Variants in INPP5A observed in about 807,000 individuals in gnomAD.
INPP5A encodes the protein 43 kDa inositol polyphosphate 5-phophatase.
In INPP5A, 14 loss-of-function variants were observed where a neutral mutation model predicts 65.2. The observed-to-expected ratio is 0.21, with a 90% CI of 0.14 to 0.34. The LOEUF is 0.34. INPP5A is among the 10% of genes least tolerant of loss of function. The pLI, the probability that INPP5A is intolerant of heterozygous loss-of-function variation, is 1.00. For synonymous variants in INPP5A, 207 were observed against 208.3 expected (o/e 0.99, Z 0.05); for missense variants, 431 against 545.6 (o/e 0.79, Z 2.09).
At chr10:132,742,741 C>T (rs968420474) in intron 9 of INPP5A, among the ~76,000 whole-genome samples, 3 of 152,220 alleles carry the variant, frequency 2.0e-5, no homozygotes, top group Non-Finnish European at 4.4e-5. Context: ...TCTGGAATCC[C>T]TGGTGAACCG....
At chr10:132,779,841 C>T (rs1055054500) in intron 13 of INPP5A, among the ~76,000 whole-genome samples, 16 of 152,324 alleles carry the variant, frequency 1.1e-4, no homozygotes, top group African/African-American at 3.4e-4. Context: ...GGGCTCGGGA[C>T]GCGGGCGGTG....
intron 2 of INPP5A, among the ~76,000 whole-genome samples, chr10:132,610,054 T>C (rs536388219): frequency 1.3e-5 from 2 of 152,368 alleles, no homozygotes; most frequent in Admixed American, 6.5e-5. Flanking sequence ...TTACAGTGGC[T>C]GGGCCTGACC....
intron 1 of INPP5A, among the ~76,000 whole-genome samples, chr10:132,569,819 TA>T (rs1203334088): frequency 8.1e-6 from 1 of 123,958 alleles, no homozygotes; most frequent in Non-Finnish European, 1.7e-5. Flanking sequence ...TGTTTTTTTT[TA>T]ATTGAATTTT....
chr10:132,552,555 A>G (rs1484298946), intron 1 of INPP5A, among the ~76,000 whole-genome samples: 88 of 104,934 alleles, frequency 8.4e-4, no homozygotes, highest in East Asian at 1.9e-3. Flanking sequence ...TGGAATATTG[A>G]GTAGGATAGG....
chr10:132,726,140 T>C (rs937402480), intron 8 of INPP5A, among the ~76,000 whole-genome samples: 2 of 152,176 alleles, frequency 1.3e-5, no homozygotes, highest in African/African-American at 4.8e-5. Flanking sequence ...AAACTGATTG[T>C]GATTGATTGA....
intron 1 of INPP5A, among the ~76,000 whole-genome samples, chr10:132,605,149 C>T (rs1455591086): frequency 2.1e-5 from 3 of 141,696 alleles, no homozygotes; most frequent in Non-Finnish European, 4.7e-5. Context: ...GAAGTGGATC[C>T]CCCAGGAGGG....
At position 132,663,232 on chromosome 10, in the gene INPP5A, T is replaced by C. The variant is rs1235231744; in HGVS notation, c.306+12727T>C. 1.3e-5 allele frequency among the ~76,000 whole-genome samples: 2 copies of C among 152,208 alleles called. No individual in the cohort carries two copies. Among genetic ancestry groups the C allele is most frequent in the Non-Finnish European group, 2.9e-5 (2 of 68,034 alleles). Reference sequence around the variant, plus strand: ...AGACTTTCTTCTCGTTAAATCTTATTTTATTTTGACACAGGATGTCACTCT... The same window carrying C: ...AGACTTTCTTCTCGTTAAATCTTATCTTATTTTGACACAGGATGTCACTCT... On this transcript the variant is annotated intron_variant, in intron 4 of 15. Coordinates refer to ENST00000368594, the MANE Select transcript of INPP5A (RefSeq NM_005539.5). This position sits in a 1 kb window ranked among gnomAD's most constrained non-coding sequence, Gnocchi z 4.5.
intron 4 of INPP5A, among the ~76,000 whole-genome samples, chr10:132,657,554 T>C (rs1301993811): frequency 1.3e-5 from 2 of 152,170 alleles, no homozygotes; most frequent in Non-Finnish European, 2.9e-5. Flanking sequence ...CCTGGTGCTC[T>C]TGGGGTGGGG....
rs1845556914 is a variant in INPP5A, at chr10:132,707,603, G to A, written c.475-710G>A. Among the ~76,000 whole-genome samples the A allele has an allele frequency of 1.3e-5, 2 of 152,250 alleles. No homozygotes were observed. Among genetic ancestry groups the A allele is most frequent in the Admixed American group, 1.3e-4 (2 of 15,290 alleles). ...CCAGCAGAGGAACCTACCATGGTGGGAGGTGGGAGGGCAGGAGGGCCTCCA... is the reference window on the plus strand; with the variant it reads ...CCAGCAGAGGAACCTACCATGGTGGAAGGTGGGAGGGCAGGAGGGCCTCCA... On this transcript the variant is annotated intron_variant, in intron 6 of 15. Transcript: ENST00000368594. This position sits in a 1 kb window ranked among gnomAD's most constrained non-coding sequence, Gnocchi z 5.5.
chr10:132,717,148 C>T (rs995576510), intron 8 of INPP5A, among the ~76,000 whole-genome samples: 3 of 149,254 alleles, frequency 2.0e-5, no homozygotes, highest in Admixed American at 6.6e-5. Context: ...CTTCTCACTG[C>T]GTCCTCACGT....
chr10:132,543,812 C>G (rs889094042), intron 1 of INPP5A, among the ~76,000 whole-genome samples: 2 of 152,244 alleles, frequency 1.3e-5, no homozygotes, highest in African/African-American at 4.8e-5. Flanking sequence ...TTGGCCTGTT[C>G]CCTCCTTCCG....
rs982959861 is a variant in INPP5A, at chr10:132,717,421, C to A, written c.647+6965C>A. ...GCTGTGACTCCACCCAGTGAGCAGC[C>A]TGGCTGCCCCAGGCACTTTGGGGGC... On this transcript the variant is annotated intron_variant, in intron 8 of 15. Transcript: ENST00000368594. Among the ~76,000 whole-genome samples the A allele has an allele frequency of 4.0e-5, 6 of 151,524 alleles. 1 individual carries two copies. The highest frequency in any genetic ancestry group is 1.5e-4 in the African/African-American group (6 of 40,768).
rs1006032518 is a variant in INPP5A at position 132,742,609 on chromosome 10, C to T, written c.733-6908C>T. Among the ~76,000 whole-genome samples, 22 of 152,334 alleles carry T rather than the reference C, an allele frequency of 1.4e-4. No individual in the cohort carries two copies. In the East Asian group the frequency reaches 3.9e-3, roughly 27 times the overall value. ...TTTTGCTGTTTTAGTCATTGCTGTT[C>T]TTCAGGGAAGTCTTGGAGACGGGCA... On this transcript the variant is annotated intron_variant, in intron 9 of 15. Coordinates refer to ENST00000368594, the MANE Select transcript of INPP5A (RefSeq NM_005539.5).
chr10:132,706,262 A>G lies in INPP5A; in HGVS notation c.475-2051A>G, dbSNP rs191383588. Among the ~76,000 whole-genome samples the G allele has an allele frequency of 1.3e-5, 2 of 152,254 alleles. No homozygotes were observed. Among genetic ancestry groups the G allele is most frequent in the African/African-American group, 2.4e-5 (1 of 41,472 alleles). On this transcript the variant is annotated intron_variant, in intron 6 of 15. Coordinates refer to ENST00000368594, the MANE Select transcript of INPP5A (RefSeq NM_005539.5). This position sits in a 1 kb window ranked among gnomAD's most constrained non-coding sequence, Gnocchi z 4.7. ...TTTTATAGAAAGGAGCAGTTAAAAG[A>G]CATAAAGACTATTAAGAGGCTCAAA... is the stretch of plus-strand genomic sequence containing the variant.
rs540875915 is a variant in INPP5A at position 132,581,796 on chromosome 10, G to A, written c.76-26119G>A. ...TCTGGATACCAGTCCTTTGTCAGAT[G>A]TATATTTTGTGATACTTTCCCCCAG... On this transcript the variant is annotated intron_variant, in intron 1 of 15. Transcript: ENST00000368594. Among the ~76,000 whole-genome samples, 141 of 151,866 alleles carry A rather than the reference G, an allele frequency of 9.3e-4. 8 individuals are homozygous for A. The highest frequency in any genetic ancestry group is 6.9e-4 in the Non-Finnish European group (47 of 67,994).
intron 1 of INPP5A, among the ~76,000 whole-genome samples, chr10:132,606,486 C>T (rs1171845256): frequency 1.3e-5 from 2 of 152,208 alleles, no homozygotes; most frequent in Non-Finnish European, 2.9e-5. Context: ...TGTGTGTGTG[C>T]TGGGGTTGTG....
intron 1 of INPP5A, among the ~76,000 whole-genome samples, chr10:132,572,327 G>A (rs574762709): frequency 6.6e-6 from 1 of 152,362 alleles, no homozygotes; most frequent in East Asian, 1.9e-4. Flanking sequence ...TGCCCCTGGT[G>A]TGGGGCCCCT....
chr10:132,608,198 T>G (rs1053201847), intron 2 of INPP5A, among the ~76,000 whole-genome samples: 2 of 152,150 alleles, frequency 1.3e-5, no homozygotes, highest in Admixed American at 1.3e-4. Context: ...ACATTCCGGC[T>G]CCCTCCCCGC....
At chr10:132,572,168 T>C (rs1227356026) in intron 1 of INPP5A, among the ~76,000 whole-genome samples, 1 of 152,240 alleles carries the variant, frequency 6.6e-6, no homozygotes, top group Non-Finnish European at 1.5e-5. Context: ...CACAGGGTAT[T>C]GGCCCAGGTG....
Sources: gnomAD v4.1 joint callset for allele counts (sites outside exome capture counted in the v4.1 genomes callset) on GRCh38, gnomAD v4.1.1 for gene constraint, Gnocchi (gnomAD v3.1) non-coding constraint, MANE v1.5 for transcripts, NCBI Gene and HGNC (gene_info 2026-07-23, HGNC 2026-07-21) for gene names.